Variants in RB1 observed in about 807,000 individuals in gnomAD.
RB1 encodes retinoblastoma-associated protein.
RB1 carries 18 observed loss-of-function variants against 135.4 expected under a neutral mutation model. The observed-to-expected ratio is 0.13, with a 90% CI of 0.09 to 0.20. RB1 has a LOEUF of 0.20. Ranked by LOEUF, RB1 falls within the 10% of genes least tolerant of loss-of-function variation. The pLI is 1.00. For missense variants in RB1, 868 were observed against 1,110.0 expected, an observed-to-expected ratio of 0.78 and a Z score of 3.10; for synonymous variants, 365 against 373.2, an observed-to-expected ratio of 0.98 and a Z score of 0.25.
In RB1 at chr13:48,481,589, C is replaced by T. The variant is rs1402677990; in HGVS notation, c.*1518C>T. ...GACAGTTATTTTGATAACAATGACA[C>T]TAGAAAACTTGACTCCATTTCATCA... is the stretch of plus-strand genomic sequence containing the variant. On this transcript the variant is annotated 3_prime_UTR_variant, in exon 27 of 27. Coordinates refer to ENST00000267163, the MANE Select transcript of RB1 (RefSeq NM_000321.3). 2 of 230,540 alleles carry T rather than the reference C, an allele frequency of 8.7e-6. No individual in the cohort carries two copies. The highest frequency in any genetic ancestry group is 6.2e-5 in the East Asian group (1 of 16,030). 14.3% of individuals were successfully genotyped at this position (230,540 alleles called of 1,614,324 possible).
intron 17 of RB1, among the ~76,000 whole-genome samples, chr13:48,449,722 T>G (rs777567098): frequency 2.0e-5 from 3 of 152,086 alleles, no homozygotes; most frequent in Non-Finnish European, 4.4e-5. Context: ...AGACCCTGTC[T>G]CTTAAAAAAA....
At chr13:48,326,001 A>T (rs1003440107) in intron 2 of RB1, among the ~76,000 whole-genome samples, 2 of 152,100 alleles carry the variant, frequency 1.3e-5, no homozygotes, top group African/African-American at 2.4e-5. Flanking sequence ...TTAATACTGT[A>T]ACCTGCCCCT....
At chr13:48,378,529 A>G (rs1044030166) in intron 13 of RB1, among the ~76,000 whole-genome samples, 1 of 151,938 alleles carries the variant, frequency 6.6e-6, no homozygotes, top group Non-Finnish European at 1.5e-5. Flanking sequence ...TGATGATGCT[A>G]TCTTCTGGAA....
chr13:48,350,935 A>C (rs530523794), intron 6 of RB1, among the ~76,000 whole-genome samples: 2 of 152,204 alleles, frequency 1.3e-5, no homozygotes, highest in South Asian at 2.1e-4. Context: ...GGCTGCATAG[A>C]ATTCCATGGT....
chr13:48,379,407 G>A (rs1411220189), intron 13 of RB1, among the ~76,000 whole-genome samples, 187 bp from the exon 14 acceptor site: 1 of 152,000 alleles, frequency 6.6e-6, no homozygotes, highest in East Asian at 1.9e-4. Flanking sequence ...ATTGTCAGCT[G>A]GGTATAGTGG....
chr13:48,412,468 C>A, intron 17 of RB1: 1 of 1,249,604 alleles, frequency 8.0e-7, no homozygotes, highest in Non-Finnish European at 1.2e-6. Flanking sequence ...CTTTCATCAG[C>A]TGCAGTCTCC....
At chr13:48,347,519 A>G (rs1952508804) in intron 4 of RB1, among the ~76,000 whole-genome samples, 2 of 152,116 alleles carry the variant, frequency 1.3e-5, no homozygotes, top group Admixed American at 6.6e-5. Flanking sequence ...ATTTTTATTG[A>G]CAAATCATAT....
intron 19 of RB1, among the ~76,000 whole-genome samples, chr13:48,458,934 T>C (rs971890888): frequency 2.6e-5 from 4 of 152,206 alleles, no homozygotes; most frequent in African/African-American, 9.6e-5. Flanking sequence ...TAGAGAAATG[T>C]GTGGTTTAAT....
intron 2 of RB1, chr13:48,320,247 G>A (rs906133328): frequency 1.2e-5 from 13 of 1,129,222 alleles, no homozygotes; most frequent in African/African-American, 4.7e-5. Flanking sequence ...CTGGCTTGGC[G>A]TCTGCCCTGT....
chr13:48,370,848 A>G (rs1023797123), intron 11 of RB1, among the ~76,000 whole-genome samples: 2 of 152,092 alleles, frequency 1.3e-5, no homozygotes, highest in East Asian at 3.9e-4. Flanking sequence ...GAAGGTTCCA[A>G]CCCTCTAACT....
chr13:48,318,545 C>T (rs1952205808), intron 2 of RB1: 3 of 762,586 alleles, frequency 3.9e-6, no homozygotes, highest in Admixed American at 2.7e-5. Context: ...CCTCCCCTCC[C>T]GGGACCTCGC....
rs139673557 is a variant in RB1, at chr13:48,342,675, C to G, written c.341C>G (p.Ser114Trp). The change falls in exon 3 of 27, where the codon TCG becomes TGG. Residue 114 changes from serine (S) to tryptophan (W), a missense_variant. Around this residue, in one of 3 missense-constraint regions of RB1, gnomAD observed 641 missense variants for 791.3 expected, o/e 0.81. Coordinates refer to ENST00000267163, the MANE Select transcript of RB1 (RefSeq NM_000321.3). ...FIAAVDLDEM[S>W]FTFTELQKNI... ...GCAGCAGTTGACCTAGATGAGATGT[C>G]GTTCACTTTTACTGAGCTACAGAAA... 6.2e-7 allele frequency: 1 copy of G among 1,611,814 alleles called. No homozygotes were observed. The highest frequency in any genetic ancestry group is 1.1e-5 in the South Asian group (1 of 91,000).
intron 20 of RB1, among the ~76,000 whole-genome samples, chr13:48,460,055 C>T (rs1376731183): frequency 2.0e-5 from 3 of 150,270 alleles, no homozygotes; most frequent in Admixed American, 6.6e-5. Context: ...CTGCAACCTC[C>T]GCCTCCCAGG....
intron 17 of RB1, among the ~76,000 whole-genome samples, chr13:48,428,643 T>G (rs1036649570): frequency 6.6e-6 from 1 of 152,232 alleles, no homozygotes; most frequent in African/African-American, 2.4e-5. Flanking sequence ...TGATAGAAAT[T>G]TAAGATTAAG....
chr13:48,479,403 G>A (rs1225745570), intron 26 of RB1, among the ~76,000 whole-genome samples: 1 of 152,200 alleles, frequency 6.6e-6, no homozygotes, highest in Non-Finnish European at 1.5e-5. Context: ...TATATGCCAA[G>A]CATCAACCAC....
intron 2 of RB1, among the ~76,000 whole-genome samples, chr13:48,325,479 G>A (rs1952279509): frequency 6.6e-6 from 1 of 152,024 alleles, no homozygotes; most frequent in Non-Finnish European, 1.5e-5. Flanking sequence ...TTTGGAATAG[G>A]CATTAGATTC....
intron 10 of RB1, 111 bp from the exon 11 acceptor site, chr13:48,368,416 T>C (rs1952725411): frequency 3.6e-6 from 5 of 1,390,836 alleles, no homozygotes; most frequent in Non-Finnish European, 4.9e-6. Context: ...TATTGAGTTA[T>C]CATTTTATAT....
At chr13:48,314,392 A>G (rs1184194378) in intron 2 of RB1, among the ~76,000 whole-genome samples, 1 of 152,206 alleles carries the variant, frequency 6.6e-6, no homozygotes, top group African/African-American at 2.4e-5. Context: ...CAGAGTATAA[A>G]TCTTACTAAA....
At chr13:48,473,263 G>A (rs1949483279) in intron 23 of RB1, 97 bp from the exon 24 acceptor site, 2 of 947,798 alleles carry the variant, frequency 2.1e-6, no homozygotes, top group Non-Finnish European at 1.7e-6. Context: ...CTTTAATTTG[G>A]TATTCCTAAT....
Sources: allele counts gnomAD v4.1 joint callset (sites outside exome capture counted in the v4.1 genomes callset), GRCh38; gene constraint gnomAD v4.1.1; regional missense constraint gnomAD v4.1.1; transcripts MANE v1.5; gene names NCBI Gene and HGNC (gene_info 2026-07-23, HGNC 2026-07-21).